The following PPP1CC variants were observed in gnomAD, a reference collection of about 807,000 sequenced individuals.
PPP1CC encodes the protein serine/threonine-protein phosphatase PP1-gamma catalytic subunit.
A neutral mutation model predicts 38.4 loss-of-function variants in PPP1CC; 16 were observed. That is an observed-to-expected ratio of 0.42 (90% confidence interval 0.28 to 0.63). PPP1CC has a LOEUF of 0.63. Among genes scored for constraint, PPP1CC ranks in the 30% least tolerant of loss-of-function variants. PPP1CC has a pLI of 0.25. For missense variants in PPP1CC, 170 were observed against 391.3 expected (o/e 0.43, Z 4.77); for synonymous variants, 158 against 136.0 (o/e 1.16, Z -1.13).
chr12:110,735,118 A>G lies in PPP1CC; in HGVS notation c.56-3217T>C, dbSNP rs2069928419. 2.0e-5 allele frequency: 3 copies of G among 147,604 alleles called. No homozygotes were observed. The South Asian group carries it at 6.9e-4, about 34-fold the overall frequency. The allele number at this position is 147,604 out of a possible 1,614,324, so 9.1% of individuals were successfully genotyped here. A position where few individuals can be genotyped will look rare whatever the true frequency, so the allele number is the denominator to read the frequency against. On this transcript the variant is annotated intron_variant, in intron 1 of 6. Transcript: ENST00000335007. ...TGCCAGGCTGGAGTGCAGTGATGCG[A>G]TCGTGGCTCACTGCAACCTCCACCT...
chr12:110,729,439 C>T (rs530708371), intron 3 of PPP1CC, among the ~76,000 whole-genome samples: 13 of 152,282 alleles, frequency 8.5e-5, no homozygotes, highest in South Asian at 2.1e-4. Context: ...GTGATCCACC[C>T]GCTGTGGCCT....
chr12:110,742,604 G>A, intron 1 of PPP1CC, 49 bp downstream of exon 1: 2 of 1,387,074 alleles, frequency 1.4e-6, no homozygotes, highest in South Asian at 1.7e-5. Flanking sequence ...GGGGCCGCCT[G>A]CCGCCCTCAG....
At chr12:110,738,599 C>A (rs2069975024) in intron 1 of PPP1CC, among the ~76,000 whole-genome samples, 1 of 152,178 alleles carries the variant, frequency 6.6e-6, no homozygotes, top group East Asian at 1.9e-4. Flanking sequence ...CAAATCACCT[C>A]ACTAATTTCT....
chr12:110,722,331 T>C lies in PPP1CC; in HGVS notation c.748-62A>G, dbSNP rs1258374992. ...AATATTAGGTGAGTAAAACCATGTTTCAGTTTCCCATTGAGCCTGATATCT... is the reference window on the plus strand; with the variant it reads ...AATATTAGGTGAGTAAAACCATGTTCCAGTTTCCCATTGAGCCTGATATCT... On this transcript the variant is annotated intron_variant, in intron 5 of 6. Coordinates refer to ENST00000335007, the MANE Select transcript of PPP1CC (RefSeq NM_002710.4). This position sits in a 1 kb window ranked among gnomAD's most constrained non-coding sequence, Gnocchi z 5.4. 5 of 1,589,614 alleles carry C rather than the reference T, an allele frequency of 3.1e-6. No individual in the cohort carries two copies. The highest frequency in any genetic ancestry group is 4.3e-6 in the Non-Finnish European group (5 of 1,162,554).
At chr12:110,728,414 AC>A (rs374496851) in intron 3 of PPP1CC, among the ~76,000 whole-genome samples, 2 of 146,682 alleles carry the variant, frequency 1.4e-5, no homozygotes, top group African/African-American at 5.2e-5. Context: ...AAAAAAAAAA[AC>A]AAAAAACAAA....
At chr12:110,727,426 C>G (rs951271928) in intron 3 of PPP1CC, among the ~76,000 whole-genome samples, 2 of 152,188 alleles carry the variant, frequency 1.3e-5, no homozygotes, top group African/African-American at 4.8e-5. Flanking sequence ...CTAGGAACAT[C>G]TGGCTCCTGA....
intron 1 of PPP1CC, among the ~76,000 whole-genome samples, chr12:110,736,737 C>T (rs1413973226): frequency 6.6e-6 from 1 of 152,060 alleles, no homozygotes; most frequent in Non-Finnish European, 1.5e-5. Context: ...TAGCTGCTGG[C>T]AAAAAGCAAA....
chr12:110,717,175 C>T (rs1334038438), downstream of PPP1CC, among the ~76,000 whole-genome samples: 1 of 152,158 alleles, frequency 6.6e-6, no homozygotes, highest in Admixed American at 6.5e-5. Flanking sequence ...ACAATCCCAT[C>T]GTTAAGTATT....
the PPP1CC span, among the ~76,000 whole-genome samples, chr12:110,710,717 CAAAAAAAAAAAA>C: frequency 3.6e-5 from 1 of 27,898 alleles, no homozygotes. Context: ...GACTCTGTCT[CAAAAAAAAAAAA>C]AAAAAAAAAA....
intron 1 of PPP1CC, among the ~76,000 whole-genome samples, chr12:110,735,414 C>T (rs372667499): frequency 9.2e-5 from 14 of 152,116 alleles, no homozygotes; most frequent in Non-Finnish European, 1.6e-4. Flanking sequence ...CTTAAGGACA[C>T]GAGGCCGCGA....
At chr12:110,729,584 A>C (rs920569284) in intron 3 of PPP1CC, among the ~76,000 whole-genome samples, 2 of 152,236 alleles carry the variant, frequency 1.3e-5, no homozygotes, top group Non-Finnish European at 2.9e-5. Context: ...CAAAATGTGT[A>C]AAATACTGTA....
chr12:110,714,434 G>C, the PPP1CC span, among the ~76,000 whole-genome samples: 1 of 151,960 alleles, frequency 6.6e-6, no homozygotes. Context: ...ACAGCCTCCT[G>C]AGCGGAGGAC....
the PPP1CC span, among the ~76,000 whole-genome samples, chr12:110,708,850 CAAAAAAAAAA>C: frequency 1.5e-5 from 1 of 65,436 alleles, no homozygotes; most frequent in African/African-American, 4.8e-5. Flanking sequence ...GAGTCCATCT[CAAAAAAAAAA>C]AAAAAAAAGA....
intron 2 of PPP1CC, among the ~76,000 whole-genome samples, chr12:110,731,452 C>T (rs2069871204): frequency 6.6e-6 from 1 of 152,100 alleles, no homozygotes; most frequent in African/African-American, 2.4e-5. Context: ...ACCAGTGTTG[C>T]TTTAAACTTA....
the PPP1CC span, among the ~76,000 whole-genome samples, chr12:110,708,850 CAA>C: frequency 1.1e-4 from 7 of 65,404 alleles, no homozygotes; most frequent in Admixed American, 1.9e-4. Context: ...GAGTCCATCT[CAA>C]AAAAAAAAAA....
At chr12:110,721,807 C>T (rs1356960995) in intron 6 of PPP1CC, 1 of 381,592 alleles carries the variant, frequency 2.6e-6, no homozygotes. Context: ...GCACTCAGTA[C>T]TTTTCACATT....
intron 4 of PPP1CC, among the ~76,000 whole-genome samples, chr12:110,724,181 T>A (rs907624636): frequency 6.6e-6 from 1 of 152,056 alleles, no homozygotes; most frequent in Non-Finnish European, 1.5e-5. Context: ...GAGCTTGCAG[T>A]GAGCCGAGAT....
chr12:110,736,096 CAAAA>C (rs770273652), intron 1 of PPP1CC, among the ~76,000 whole-genome samples: 1 of 149,288 alleles, frequency 6.7e-6, no homozygotes, highest in Non-Finnish European at 1.5e-5. Context: ...AACTCCGTCT[CAAAA>C]CAAACAAACA....
Position 110,732,333 on chromosome 12 carries a change from G to A in PPP1CC, c.56-432C>T, listed in dbSNP as rs1041019893. 3.0e-4 allele frequency: 58 copies of A among 193,872 alleles called. 1 individual carries two copies. The highest frequency in any genetic ancestry group is 7.3e-5 in the Non-Finnish European group (7 of 96,396). 12.0% of individuals were successfully genotyped at this position (193,872 alleles called of 1,614,324 possible). A position where few individuals can be genotyped will look rare whatever the true frequency, so the allele number is the denominator to read the frequency against. ...AATCGCCTGCACCCGGGAGGCGGAG[G>A]TTGCAGTGAGCCAAGATCGCGCCAC... On this transcript the variant is annotated intron_variant, in intron 1 of 6. Transcript: ENST00000335007.
Sources: allele counts gnomAD v4.1 joint callset (sites outside exome capture counted in the v4.1 genomes callset), GRCh38; gene constraint gnomAD v4.1.1; non-coding constraint Gnocchi (gnomAD v3.1); transcripts MANE v1.5; gene names NCBI Gene and HGNC (gene_info 2026-07-23, HGNC 2026-07-21).